The following RYR3 variants were observed in gnomAD, a reference collection of about 807,000 sequenced individuals.
RYR3 encodes the protein ryanodine receptor 3, also known as brain ryanodine receptor-calcium release channel.
In RYR3, 207 loss-of-function variants were observed where a neutral mutation model predicts 584.3. That is an observed-to-expected ratio of 0.35 (90% confidence interval 0.32 to 0.40). RYR3 has a LOEUF of 0.40. RYR3 is among the 10% of genes least tolerant of loss of function. RYR3 has a pLI of 1.00. For missense variants in RYR3, 5,616 were observed against 6,089.2 expected, an observed-to-expected ratio of 0.92 and a Z score of 2.59; for synonymous variants, 2,416 against 2,248.5, an observed-to-expected ratio of 1.07 and a Z score of -2.11.
In RYR3 at chr15:33,526,341, T is replaced by C. The variant is rs1036129665; in HGVS notation, c.280-4251T>C. 2.0e-5 allele frequency among the ~76,000 whole-genome samples: 3 copies of C among 152,188 alleles called. No individual in the cohort carries two copies. The East Asian group carries it at 5.8e-4, about 29-fold the overall frequency. ...GGGCCTTTTACCAGCATTTCCCTGA[T>C]CCACCCCCATCCTGCGAGATGGAAC... On this transcript the variant is annotated intron_variant, in intron 3 of 103. Transcript: ENST00000634891.
intron 36 of RYR3, among the ~76,000 whole-genome samples, chr15:33,665,193 G>A (rs1411907225): frequency 6.6e-6 from 1 of 152,188 alleles, no homozygotes; most frequent in African/African-American, 2.4e-5. Context: ...CAATGACATG[G>A]TGATGGTAAC....
chr15:33,573,877 T>C (rs683553), intron 12 of RYR3, among the ~76,000 whole-genome samples: 96,084 of 152,096 alleles, frequency 0.63, 31,904 homozygotes, highest in Middle Eastern at 0.75. Flanking sequence ...TTCACCATTG[T>C]TCCCCATGCC....
chr15:33,843,670 G>A, intron 92 of RYR3, 96 bp downstream of exon 92: 1 of 881,426 alleles, frequency 1.1e-6, no homozygotes, highest in South Asian at 1.5e-5. Context: ...GCTCTTAATT[G>A]TAGCAAACAT....
At chr15:33,443,291 G>C (rs1390787655) in intron 1 of RYR3, among the ~76,000 whole-genome samples, 1 of 150,036 alleles carries the variant, frequency 6.7e-6, no homozygotes, top group African/African-American at 2.4e-5. Context: ...ATAAACAAAA[G>C]TGCAGCATTT....
intron 38 of RYR3, among the ~76,000 whole-genome samples, chr15:33,691,344 C>T (rs2088143): frequency 0.71 from 108,634 of 152,080 alleles, 39,666 homozygotes; most frequent in East Asian, 0.84. Context: ...GTTTAAAAAT[C>T]ACATTTGTTA....
At chr15:33,710,406 C>T (rs986232804) in intron 43 of RYR3, among the ~76,000 whole-genome samples, 11 of 142,874 alleles carry the variant, frequency 7.7e-5, no homozygotes, top group African/African-American at 2.9e-4. Context: ...TGCAGTGGTG[C>T]AATCTTAGCT....
rs143325011 is a variant in RYR3 at position 33,861,531 on chromosome 15, T to G, written c.14465+353T>G. On this transcript the variant is annotated intron_variant, in intron 102 of 103. Coordinates refer to ENST00000634891, the MANE Select transcript of RYR3 (RefSeq NM_001036.6). ...GAAAAATCTGTGGCCCCACTTTTAC[T>G]TCCAACTATTGCCCTACTTCTTTTT... Among the ~76,000 whole-genome samples the G allele has an allele frequency of 4.8e-3, 732 of 152,196 alleles. 7 individuals are homozygous for G. Among genetic ancestry groups the G allele is most frequent in the African/African-American group, 0.017 (702 of 41,544 alleles).
At position 33,382,145 on chromosome 15, in the gene RYR3, G is replaced by A. The variant is rs545359013; in HGVS notation, c.51+71049G>A. Among the ~76,000 whole-genome samples the A allele has an allele frequency of 7.2e-5, 11 of 151,944 alleles. 1 individual carries two copies. Among genetic ancestry groups the A allele is most frequent in the African/African-American group, 2.7e-4 (11 of 41,376 alleles). ...GTTTTGGGGAACTGCAAGAAGCTTG[G>A]TGGGGCTGGAAGGAAAACTGGATAT... On this transcript the variant is annotated intron_variant, in intron 1 of 103. Coordinates refer to ENST00000634891, the MANE Select transcript of RYR3 (RefSeq NM_001036.6).
Position 33,773,561 on chromosome 15 carries a change from A to G in RYR3, c.9083A>G (p.His3028Arg), listed in dbSNP as rs775420543. The G allele has an allele frequency of 3.7e-6, 6 of 1,609,388 alleles. No individual in the cohort carries two copies. In the South Asian group the frequency reaches 5.6e-5, roughly 15 times the overall value. ...LLGDVQISCY[H>R]ILCSLYSLGT... The stretch of plus-strand genomic sequence containing the variant: ...GGTGATGTGCAGATTTCATGCTACC[A>G]CATACTGTGCAGCCTCTACTCCCTT... Residue 3028 changes from histidine (H) to arginine (R), a missense_variant, in exon 64 of 104, where the codon CAC (histidine) becomes CGC (arginine). Physicochemically the swap from His to Arg is conservative, Grantham distance 29 (BLOSUM62 0). Coordinates refer to ENST00000634891, the MANE Select transcript of RYR3 (RefSeq NM_001036.6).
chr15:33,580,574 G>A (rs2058539235), intron 13 of RYR3, among the ~76,000 whole-genome samples: 1 of 152,320 alleles, frequency 6.6e-6, no homozygotes, highest in South Asian at 2.1e-4. Flanking sequence ...TGTCAGAATT[G>A]AGCATCTGAG....
At position 33,748,249 on chromosome 15, in the gene RYR3, C is replaced by T; in HGVS notation, c.8125C>T (p.Gln2709Ter). Residue 2709 changes from glutamine to a stop codon, truncating the protein, a stop_gained, in exon 54 of 104, where the codon CAG becomes TAG. Transcript: ENST00000634891. LOFTEE classifies it high-confidence loss of function. ...RENEKLRSVS[Q>*]ANQGNSYSPA... ...AAATGAGAAGCTTCGAAGTGTGTCC[C>T]AGGCCAACCAGGTATGACACCACAC... 1.2e-6 allele frequency: 2 copies of T among 1,613,700 alleles called. No individual in the cohort carries two copies. The highest frequency in any genetic ancestry group is 1.7e-6 in the Non-Finnish European group (2 of 1,179,830).
intron 10 of RYR3, among the ~76,000 whole-genome samples, chr15:33,551,589 CT>C (rs1436295533): frequency 2.0e-5 from 3 of 152,080 alleles, no homozygotes; most frequent in African/African-American, 4.8e-5. Flanking sequence ...CAGAATTGGG[CT>C]TTTTTCATAT....
intron 16 of RYR3, among the ~76,000 whole-genome samples, chr15:33,586,828 T>G (rs144415159): frequency 3.8e-4 from 58 of 152,200 alleles, no homozygotes; most frequent in African/African-American, 1.4e-3. Flanking sequence ...TATGGGGAGT[T>G]TTTTTTCCTG....
At chr15:33,679,592 C>T (rs759830484) in intron 38 of RYR3, among the ~76,000 whole-genome samples, 1 of 152,134 alleles carries the variant, frequency 6.6e-6, no homozygotes, top group Non-Finnish European at 1.5e-5. Flanking sequence ...AATATTAAGC[C>T]ACAAGTGACT....
Position 33,415,159 on chromosome 15 carries a change from A to G in RYR3, c.52-58260A>G, listed in dbSNP as rs1596035982. On this transcript the variant is annotated intron_variant, in intron 1 of 103. Coordinates refer to ENST00000634891, the MANE Select transcript of RYR3 (RefSeq NM_001036.6). Reference sequence around the variant, plus strand: ...AAGAATGCAAAGTATCTCAAGAATGACAACTTTTTATTGATTATAACTTGA... The same window carrying G: ...AAGAATGCAAAGTATCTCAAGAATGGCAACTTTTTATTGATTATAACTTGA... Among the ~76,000 whole-genome samples, 4 of 152,330 alleles carry G rather than the reference A, an allele frequency of 2.6e-5. No homozygotes were observed. The South Asian group carries it at 6.2e-4, about 24-fold the overall frequency.
chr15:33,478,385 A>C (rs1411372304), intron 2 of RYR3, among the ~76,000 whole-genome samples: 1 of 152,170 alleles, frequency 6.6e-6, no homozygotes, highest in African/African-American at 2.4e-5. Context: ...GTACCATAGG[A>C]ACCAATATAT....
intron 5 of RYR3, among the ~76,000 whole-genome samples, chr15:33,538,665 C>G (rs148354013): frequency 1.3e-5 from 2 of 152,274 alleles, no homozygotes; most frequent in Admixed American, 1.3e-4. Context: ...CCGTTTTCAA[C>G]CCATTTTCTG....
intron 10 of RYR3, among the ~76,000 whole-genome samples, chr15:33,559,433 G>T (rs2057284938): frequency 6.6e-6 from 1 of 152,166 alleles, no homozygotes; most frequent in African/African-American, 2.4e-5. Flanking sequence ...ACACCATGCA[G>T]GGTCACATAG....
At chr15:33,793,994 A>G (rs1299140425) in intron 67 of RYR3, among the ~76,000 whole-genome samples, 1 of 97,054 alleles carries the variant, frequency 1.0e-5, no homozygotes, top group East Asian at 4.6e-4. Context: ...ATATATAAAT[A>G]CATATAATAC....
Sources: allele counts gnomAD v4.1 joint callset (sites outside exome capture counted in the v4.1 genomes callset), GRCh38; gene constraint gnomAD v4.1.1; transcripts MANE v1.5; gene names NCBI Gene and HGNC (gene_info 2026-07-23, HGNC 2026-07-21).